Variants in NFIA observed in about 807,000 individuals in gnomAD.
The protein encoded by NFIA is nuclear factor I A.
In NFIA, 8 loss-of-function variants were observed where a neutral mutation model predicts 62.8. The observed-to-expected ratio is 0.13, with a 90% CI of 0.07 to 0.23. The LOEUF (loss-of-function observed/expected upper bound fraction) is 0.23. NFIA is among the 10% of genes least tolerant of loss of function. NFIA has a pLI of 1.00. For missense variants in NFIA, 410 were observed against 642.1 expected, an observed-to-expected ratio of 0.64 and a Z score of 3.91; for synonymous variants, 235 against 238.1, an observed-to-expected ratio of 0.99 and a Z score of 0.12.
chr1:61,372,634 AGTT>A, intron 6 of NFIA, among the ~76,000 whole-genome samples: 1 of 150,926 alleles, frequency 6.6e-6, no homozygotes, highest in South Asian at 2.1e-4. Context: ...TGACTCATGT[AGTT>A]GTGTGATTTA....
At chr1:61,141,387 C>T (rs1647521311) in intron 2 of NFIA, among the ~76,000 whole-genome samples, 1 of 149,848 alleles carries the variant, frequency 6.7e-6, no homozygotes, top group Non-Finnish European at 1.5e-5. Flanking sequence ...AGAAACCGGG[C>T]ATCATCTTTG....
At chr1:61,116,973 CAAG>C (rs1646803329) in intron 2 of NFIA, among the ~76,000 whole-genome samples, 1 of 151,886 alleles carries the variant, frequency 6.6e-6, no homozygotes, top group African/African-American at 2.4e-5. Flanking sequence ...TTTTTTATGA[CAAG>C]AAATACTTTT....
At chr1:61,297,561 C>T (rs141206844) in intron 3 of NFIA, among the ~76,000 whole-genome samples, 3 of 152,240 alleles carry the variant, frequency 2.0e-5, no homozygotes, top group East Asian at 1.9e-4. Flanking sequence ...ATAAATGTTG[C>T]GGTAGTAGTA....
At chr1:61,441,611 A>G (rs1005325267) in intron 10 of NFIA, among the ~76,000 whole-genome samples, 1 of 152,208 alleles carries the variant, frequency 6.6e-6, no homozygotes, top group African/African-American at 2.4e-5. Flanking sequence ...ACTGAAATTG[A>G]TCATTAGGAT....
intron 4 of NFIA, among the ~76,000 whole-genome samples, chr1:61,349,604 C>G (rs1284962765): frequency 6.6e-6 from 1 of 152,028 alleles, no homozygotes; most frequent in Non-Finnish European, 1.5e-5. Context: ...GATGGGTTCT[C>G]ACTCCATTGC....
chr1:61,439,940 T>A (rs184037068), intron 10 of NFIA, among the ~76,000 whole-genome samples: 1 of 152,346 alleles, frequency 6.6e-6, no homozygotes, highest in Non-Finnish European at 1.5e-5. Flanking sequence ...AGTTCAGCTT[T>A]CATGGCTTAT....
Position 61,343,406 on chromosome 1 carries a change from C to T in NFIA, c.701-9044C>T, listed in dbSNP as rs894673503. On this transcript the variant is annotated intron_variant, in intron 4 of 10. Coordinates refer to ENST00000403491, the MANE Select transcript of NFIA (RefSeq NM_001134673.4). ...TCTCTTCACCTCCCTTTTCTCCTTCCGCCACCATGTATATATTCCTTAACA... is the reference window on the plus strand; with the variant it reads ...TCTCTTCACCTCCCTTTTCTCCTTCTGCCACCATGTATATATTCCTTAACA... 6.6e-5 allele frequency among the ~76,000 whole-genome samples: 10 copies of T among 152,250 alleles called. No individual in the cohort carries two copies. The South Asian group carries it at 8.3e-4, about 13-fold the overall frequency.
At chr1:61,430,077 A>T (rs1348675654) in intron 10 of NFIA, among the ~76,000 whole-genome samples, 1 of 152,226 alleles carries the variant, frequency 6.6e-6, no homozygotes, top group Non-Finnish European at 1.5e-5. Flanking sequence ...GGTAAATGTT[A>T]CATTGTGTGT....
rs562662304 is a variant in NFIA, at chr1:61,284,651, G to C, written c.625+7066G>C. 8.5e-5 allele frequency among the ~76,000 whole-genome samples: 13 copies of C among 152,258 alleles called. No homozygotes were observed. In the South Asian group the frequency reaches 2.7e-3, roughly 32 times the overall value. The stretch of plus-strand genomic sequence containing the variant: ...ATGAGTATTTTATTGTCTTCACACA[G>C]AGAATAACTAGCTGAACAGACTTTA... On this transcript the variant is annotated intron_variant, in intron 3 of 10. Coordinates refer to ENST00000403491, the MANE Select transcript of NFIA (RefSeq NM_001134673.4).
intron 2 of NFIA, among the ~76,000 whole-genome samples, chr1:61,134,249 T>A (rs1217027543): frequency 0.15 from 271 of 1,808 alleles, no homozygotes; most frequent in Non-Finnish European, 0.27. Flanking sequence ...TGTGTGAGTG[T>A]GTGTGTGTGT....
chr1:61,089,685 G>GTTTTTTTTTTT (rs959067137), intron 2 of NFIA, among the ~76,000 whole-genome samples: 1 of 118,168 alleles, frequency 8.5e-6, no homozygotes, highest in African/African-American at 3.3e-5. Context: ...AATATTTAAC[G>GTTTTTTTTTTT]TTTTTTTTTC....
At chr1:61,244,691 T>G (rs1480583963) in intron 2 of NFIA, among the ~76,000 whole-genome samples, 21 of 152,208 alleles carry the variant, frequency 1.4e-4, no homozygotes, top group African/African-American at 5.1e-4. Context: ...TAATTGGTAT[T>G]GATTATTTAA....
rs1161179194 is a variant in NFIA, at chr1:61,341,119, A to T, written c.700+8533A>T. Among the ~76,000 whole-genome samples, 3 of 133,974 alleles carry T rather than the reference A, an allele frequency of 2.2e-5. No homozygotes were observed. The East Asian group carries it at 6.6e-4, about 29-fold the overall frequency. 87.9% of individuals were successfully genotyped at this position (133,974 alleles called of 152,430 possible). A position where few individuals can be genotyped will look rare whatever the true frequency, so the allele number is the denominator to read the frequency against. On this transcript the variant is annotated intron_variant, in intron 4 of 10. Coordinates refer to ENST00000403491, the MANE Select transcript of NFIA (RefSeq NM_001134673.4). ...CGCTCTGTCACCCAGGCTGGAGTGC[A>T]GTGGCGTGATCTCGGCTCACTGCAA...
chr1:61,320,199 G>A (rs1182579814), intron 3 of NFIA, among the ~76,000 whole-genome samples: 3 of 151,514 alleles, frequency 2.0e-5, no homozygotes, highest in Admixed American at 6.6e-5. Context: ...GTGCTAACAC[G>A]ACATGGCCTG....
chr1:61,424,527 A>C (rs1273069048), intron 9 of NFIA, among the ~76,000 whole-genome samples: 1 of 152,122 alleles, frequency 6.6e-6, no homozygotes, highest in African/African-American at 2.4e-5. Flanking sequence ...TCTGTCATCA[A>C]TCACTCATAG....
At chr1:61,187,777 A>G (rs148058412) in intron 2 of NFIA, among the ~76,000 whole-genome samples, 45 of 152,324 alleles carry the variant, frequency 3.0e-4, no homozygotes, top group African/African-American at 1.1e-3. Flanking sequence ...TATAAATGCC[A>G]CTGTTTAAAG....
At position 61,137,100 on chromosome 1, in the gene NFIA, T is replaced by G. The variant is rs1023254040; in HGVS notation, c.559+48420T>G. 3.3e-5 allele frequency among the ~76,000 whole-genome samples: 5 copies of G among 152,294 alleles called. No homozygotes were observed. In the South Asian group the frequency reaches 1.0e-3, roughly 32 times the overall value. ...GTGTGCGTAATCTTATGGATCAAGA[T>G]AAGTTTAAGGGAAAATGCTAGCGGA... On this transcript the variant is annotated intron_variant, in intron 2 of 10. Coordinates refer to ENST00000403491, the MANE Select transcript of NFIA (RefSeq NM_001134673.4).
At chr1:61,417,392 G>A (rs1666400751) in intron 9 of NFIA, among the ~76,000 whole-genome samples, 1 of 147,548 alleles carries the variant, frequency 6.8e-6, no homozygotes, top group African/African-American at 2.5e-5. Flanking sequence ...TTAAGAAATA[G>A]GATTTTAAAT....
chr1:61,184,837 G>A (rs1651044680), intron 2 of NFIA, among the ~76,000 whole-genome samples: 1 of 152,188 alleles, frequency 6.6e-6, no homozygotes, highest in African/African-American at 2.4e-5. Context: ...GGTATAATTT[G>A]CACATGAACA....
Sources: allele counts gnomAD v4.1 joint callset (sites outside exome capture counted in the v4.1 genomes callset), GRCh38; gene constraint gnomAD v4.1.1; transcripts MANE v1.5; gene names NCBI Gene and HGNC (gene_info 2026-07-23, HGNC 2026-07-21).